FOXP2: variants seen among roughly 807,000 people sequenced by gnomAD.
FOXP2 encodes the protein forkhead box protein P2.
In FOXP2, 12 loss-of-function variants were observed where a neutral mutation model predicts 115.8. The ratio of observed to expected loss-of-function variants is 0.10; its 90% CI spans 0.07 to 0.17. The LOEUF (loss-of-function observed/expected upper bound fraction) is 0.17. Ranked by LOEUF, FOXP2 falls within the 10% of genes least tolerant of loss-of-function variation. The pLI is 1.00. For synonymous variants in FOXP2, 328 were observed against 297.7 expected (o/e 1.10, Z -1.05); for missense variants, 629 against 843.5 (o/e 0.75, Z 3.15).
chr7:114,660,448 C>T (rs1387212989), intron 13 of FOXP2, among the ~76,000 whole-genome samples: 1 of 152,104 alleles, frequency 6.6e-6, no homozygotes, highest in East Asian at 1.9e-4. Context: ...AGAATAGAAG[C>T]AGCAAAGCAC....
chr7:114,672,043 A>T (rs1336538837), intron 16 of FOXP2, among the ~76,000 whole-genome samples: 1 of 152,208 alleles, frequency 6.6e-6, no homozygotes, highest in African/African-American at 2.4e-5. Context: ...TAAGCAACAG[A>T]TGATCAAATC....
At chr7:114,672,323 G>A (rs1029752452) in intron 16 of FOXP2, among the ~76,000 whole-genome samples, 8 of 152,192 alleles carry the variant, frequency 5.3e-5, no homozygotes, top group African/African-American at 1.9e-4. Flanking sequence ...AATGGCTCAT[G>A]CCTGTAATCC....
chr7:114,373,575 C>A (rs1792068288), intron 2 of FOXP2, among the ~76,000 whole-genome samples: 2 of 152,160 alleles, frequency 1.3e-5, no homozygotes, highest in Admixed American at 1.3e-4. Flanking sequence ...TTCTACTTTT[C>A]AATTTAAGGA....
intron 2 of FOXP2, among the ~76,000 whole-genome samples, chr7:114,356,880 G>A (rs373049141): frequency 2.6e-5 from 4 of 152,156 alleles, no homozygotes; most frequent in East Asian, 3.9e-4. Context: ...CTATTCCACA[G>A]TAGTTATTCA....
At chr7:114,186,563 A>C (rs78188102) in intron 1 of FOXP2, among the ~76,000 whole-genome samples, 1,826 of 152,240 alleles carry the variant, frequency 0.012, 46 homozygotes, top group African/African-American at 0.041. Flanking sequence ...CTTTGCTGGA[A>C]TCAGCCCGCA....
At chr7:114,218,636 A>G (rs1309227555) in intron 1 of FOXP2, among the ~76,000 whole-genome samples, 1 of 152,242 alleles carries the variant, frequency 6.6e-6, no homozygotes, top group Non-Finnish European at 1.5e-5. Context: ...AAGAAGATAG[A>G]ATAAAAACAA....
chr7:114,433,612 T>G (rs1217501201), intron 2 of FOXP2, among the ~76,000 whole-genome samples: 2 of 152,124 alleles, frequency 1.3e-5, no homozygotes, highest in African/African-American at 4.8e-5. Flanking sequence ...AAGATGCAAG[T>G]GTACTTATTC....
intron 2 of FOXP2, among the ~76,000 whole-genome samples, chr7:114,404,881 A>G (rs1380044503): frequency 2.0e-5 from 3 of 151,892 alleles, no homozygotes; most frequent in African/African-American, 4.8e-5. Context: ...TCTAATGTAA[A>G]CTGAAATTCC....
intron 2 of FOXP2, among the ~76,000 whole-genome samples, chr7:114,468,330 G>T (rs1259283433): frequency 6.6e-6 from 1 of 152,144 alleles, no homozygotes; most frequent in Non-Finnish European, 1.5e-5. Context: ...GTGTGTGCAT[G>T]TGTGTATGTG....
At chr7:114,562,824 T>C (rs1165718965) in intron 3 of FOXP2, among the ~76,000 whole-genome samples, 3 of 152,158 alleles carry the variant, frequency 2.0e-5, no homozygotes, top group African/African-American at 7.2e-5. Context: ...TTTACACTTA[T>C]CTTCCATTCC....
intron 2 of FOXP2, among the ~76,000 whole-genome samples, chr7:114,331,193 G>T (rs929182466): frequency 3.3e-5 from 5 of 152,046 alleles, no homozygotes; most frequent in African/African-American, 9.7e-5. Context: ...AAAACTATTT[G>T]TAAACTGTAA....
chr7:114,199,190 T>A (rs1051563503), intron 1 of FOXP2, among the ~76,000 whole-genome samples: 1 of 152,120 alleles, frequency 6.6e-6, no homozygotes. Flanking sequence ...CCCTCAAATA[T>A]TAATTTCACC....
At chr7:114,208,023 T>A (rs1357169301) in intron 1 of FOXP2, among the ~76,000 whole-genome samples, 1 of 152,164 alleles carries the variant, frequency 6.6e-6, no homozygotes, top group Non-Finnish European at 1.5e-5. Flanking sequence ...CACCACCTAG[T>A]GGACCTGGGA....
intron 2 of FOXP2, among the ~76,000 whole-genome samples, chr7:114,346,381 G>A (rs902683512): frequency 1.3e-5 from 2 of 151,684 alleles, no homozygotes; most frequent in African/African-American, 2.4e-5. Context: ...TAAAATAAAT[G>A]TGGTATATAG....
At chr7:114,226,398 C>T (rs1328939057) in intron 1 of FOXP2, among the ~76,000 whole-genome samples, 1 of 152,156 alleles carries the variant, frequency 6.6e-6, no homozygotes, top group Non-Finnish European at 1.5e-5. Context: ...TTCTCAGCCA[C>T]TCCCTTGAAG....
At chr7:114,189,995 G>A (rs551671177) in intron 1 of FOXP2, among the ~76,000 whole-genome samples, 1 of 152,014 alleles carries the variant, frequency 6.6e-6, no homozygotes, top group Non-Finnish European at 1.5e-5. Context: ...GTAACAAGGG[G>A]AAAAAAGAAG....
chr7:114,260,408 C>T (rs1290157915), intron 1 of FOXP2, among the ~76,000 whole-genome samples: 1 of 151,798 alleles, frequency 6.6e-6, no homozygotes, highest in Non-Finnish European at 1.5e-5. Flanking sequence ...AACCGTCTGC[C>T]GCCATTATTG....
intron 3 of FOXP2, among the ~76,000 whole-genome samples, chr7:114,574,405 T>C (rs904249844): frequency 4.6e-5 from 7 of 151,832 alleles, no homozygotes; most frequent in Admixed American, 4.6e-4. Context: ...TTTCAAATAG[T>C]GTCTAGTTTA....
intron 1 of FOXP2, among the ~76,000 whole-genome samples, chr7:114,129,224 A>G (rs1264733022): frequency 6.6e-6 from 1 of 152,220 alleles, no homozygotes; most frequent in Non-Finnish European, 1.5e-5. Flanking sequence ...CAAAGTTCAC[A>G]TATATATTTG....
Sources: gnomAD v4.1 joint callset for allele counts (sites outside exome capture counted in the v4.1 genomes callset) on GRCh38, gnomAD v4.1.1 for gene constraint, MANE v1.5 for transcripts, NCBI Gene and HGNC (gene_info 2026-07-23, HGNC 2026-07-21) for gene names.